The following OTUD3 variants were observed in gnomAD, a reference collection of about 807,000 sequenced individuals.
The protein encoded by OTUD3 is OTU deubiquitinase 3.
OTUD3 carries 24 observed loss-of-function variants against 46.2 expected under a neutral mutation model. The ratio of observed to expected loss-of-function variants is 0.52; its 90% CI spans 0.38 to 0.73. OTUD3 has a LOEUF of 0.73. Ranked by LOEUF, OTUD3 falls within the 30% of genes least tolerant of loss-of-function variation. OTUD3 has a pLI of 0.00. For synonymous variants in OTUD3, 189 were observed against 195.4 expected, an observed-to-expected ratio of 0.97 and a Z score of 0.27; for missense variants, 455 against 523.3, an observed-to-expected ratio of 0.87 and a Z score of 1.27.
At chr1:19,903,490 G>T (rs923895774) in intron 4 of OTUD3, among the ~76,000 whole-genome samples, 2 of 152,162 alleles carry the variant, frequency 1.3e-5, no homozygotes, top group African/African-American at 2.4e-5. Context: ...TTAACATTCT[G>T]AGGAATATAC....
intron 6 of OTUD3, 30 bp downstream of exon 6, chr1:19,905,017 T>G: frequency 8.9e-7 from 1 of 1,122,190 alleles, no homozygotes. Context: ...TTATAGATCT[T>G]CAAAATGGTT....
rs1255253981 is a variant in OTUD3, at chr1:19,882,462, T to TG, written c.-46dup. 3.0e-6 allele frequency: 4 copies of TG among 1,327,586 alleles called. No homozygotes were observed. Among genetic ancestry groups the TG allele is most frequent in the Non-Finnish European group, 3.8e-6 (4 of 1,044,270 alleles). The allele number at this position is 1,327,586 out of a possible 1,614,324, so 82.2% of individuals were successfully genotyped here. A position where few individuals can be genotyped will look rare whatever the true frequency, so the allele number is the denominator to read the frequency against. On this transcript the variant is annotated 5_prime_UTR_variant, in exon 1 of 8. Transcript: ENST00000375120. ...CCTTCCCAACGCTTGAGGCGGACGCTGGGGGGTCCTGCGCCTTTCCCTCCT... is the reference window on the plus strand; with the variant it reads ...CCTTCCCAACGCTTGAGGCGGACGCTGGGGGGGTCCTGCGCCTTTCCCTCCT...
In OTUD3 at chr1:19,909,432, CAG is replaced by C. The variant is rs2045706685; in HGVS notation, c.*1689_*1690del. On this transcript the variant is annotated 3_prime_UTR_variant, in exon 8 of 8. Transcript: ENST00000375120. ...CAGCATTTTTTTTCTGTGCACGTCG[CAG>C]AGTCCTGAGCTTGAGGCTGTGTTAC... 1 of 152,332 alleles carries C rather than the reference CAG, an allele frequency of 6.6e-6. No homozygotes were observed. Among genetic ancestry groups the C allele is most frequent in the African/African-American group, 2.4e-5 (1 of 41,444 alleles). 9.4% of individuals were successfully genotyped at this position (152,332 alleles called of 1,614,324 possible). A position where few individuals can be genotyped will look rare whatever the true frequency, so the allele number is the denominator to read the frequency against.
chr1:19,904,504 CAAAA>C, intron 5 of OTUD3, 106 bp downstream of exon 5: 3 of 942,942 alleles, frequency 3.2e-6, no homozygotes, highest in Non-Finnish European at 4.8e-6. Context: ...CCTTGTGGGC[CAAAA>C]TAGGCCCATG....
At chr1:19,899,104 C>T (rs548349527) in intron 4 of OTUD3, among the ~76,000 whole-genome samples, 2 of 152,136 alleles carry the variant, frequency 1.3e-5, no homozygotes, top group African/African-American at 4.8e-5. Flanking sequence ...AGCCATGGTG[C>T]CTGGCAATTT....
intron 6 of OTUD3, among the ~76,000 whole-genome samples, chr1:19,905,249 C>G (rs1013295764): frequency 6.6e-6 from 1 of 152,000 alleles, no homozygotes; most frequent in African/African-American, 2.4e-5. Flanking sequence ...GTACAGGGTG[C>G]TGGGGGACGC....
At chr1:19,883,512 T>C (rs2045306083) in intron 1 of OTUD3, among the ~76,000 whole-genome samples, 1 of 152,214 alleles carries the variant, frequency 6.6e-6, no homozygotes, top group Non-Finnish European at 1.5e-5. Flanking sequence ...GGTTGTCAGC[T>C]GTGTCACTTT....
intron 4 of OTUD3, among the ~76,000 whole-genome samples, chr1:19,901,518 G>T (rs563550185): frequency 6.6e-6 from 1 of 152,112 alleles, no homozygotes; most frequent in South Asian, 2.1e-4. Flanking sequence ...TAAAAGTTAA[G>T]GCAAAATTCA....
rs2045430606 is a variant in OTUD3 at position 19,890,416 on chromosome 1, T to C, written c.253T>C (p.Leu85=). 8 of 1,613,994 alleles carry C rather than the reference T, an allele frequency of 5.0e-6. No homozygotes were observed. The highest frequency in any genetic ancestry group is 6.8e-6 in the Non-Finnish European group (8 of 1,179,872). ...CTTGTTCAGAGCTCTTGGTGATCAATTGGAGGGACACTCACGAAATCATCT... is the reference window on the plus strand; with the variant it reads ...CTTGTTCAGAGCTCTTGGTGATCAACTGGAGGGACACTCACGAAATCATCT... ...NCLFRALGDQ[L]EGHSRNHLKH... The change falls in exon 2 of 8, where the codon TTG becomes CTG. Residue 85 remains leucine (L), a synonymous_variant. Transcript: ENST00000375120.
At chr1:19,890,603 C>G in intron 2 of OTUD3, 70 bp downstream of exon 2, 2 of 1,326,204 alleles carry the variant, frequency 1.5e-6, no homozygotes, top group Admixed American at 3.5e-5. Flanking sequence ...CTGGCATCCT[C>G]CCCCCTCCCA....
intron 6 of OTUD3, 25 bp downstream of exon 6, chr1:19,905,012 G>C (rs2045639339): frequency 1.7e-6 from 2 of 1,172,780 alleles, no homozygotes; most frequent in African/African-American, 1.5e-5. Flanking sequence ...AATATTTATA[G>C]ATCTTCAAAA....
chr1:19,911,152 C>T lies in OTUD3; in HGVS notation c.*3406C>T, dbSNP rs1050695662. 1.3e-5 allele frequency: 2 copies of T among 152,266 alleles called. No homozygotes were observed. The highest frequency in any genetic ancestry group is 2.9e-5 in the Non-Finnish European group (2 of 68,036). 9.4% of individuals were successfully genotyped at this position (152,266 alleles called of 1,614,324 possible). The stretch of plus-strand genomic sequence containing the variant: ...TGATTTTAATGTGTTGCGTCAGTGG[C>T]CCTCTTCGACTCCCGTTTTGGGTAG... On this transcript the variant is annotated 3_prime_UTR_variant, in exon 8 of 8. Coordinates refer to ENST00000375120, the MANE Select transcript of OTUD3 (RefSeq NM_015207.2).
chr1:19,883,435 G>A (rs1273085265), intron 1 of OTUD3, among the ~76,000 whole-genome samples: 1 of 152,160 alleles, frequency 6.6e-6, no homozygotes, highest in Non-Finnish European at 1.5e-5. Flanking sequence ...GATGGAAGAA[G>A]GAAAAGGGTC....
intron 6 of OTUD3, 92 bp from the exon 7 acceptor site, chr1:19,906,340 A>G (rs2045660426): frequency 1.8e-6 from 2 of 1,102,370 alleles, no homozygotes; most frequent in African/African-American, 3.1e-5. Context: ...TGACTGAAGT[A>G]GGGACCCAGG....
intron 4 of OTUD3, 116 bp downstream of exon 4, chr1:19,897,778 CTG>C: frequency 2.0e-6 from 2 of 992,398 alleles, no homozygotes; most frequent in Non-Finnish European, 2.9e-6. Flanking sequence ...CATTGAGAAT[CTG>C]TGGGCCTGAT....
rs1056909554 is a variant in OTUD3 at position 19,908,943 on chromosome 1, G to A, written c.*1197G>A. 1 of 152,350 alleles carries A rather than the reference G, an allele frequency of 6.6e-6. No homozygotes were observed. Among genetic ancestry groups the A allele is most frequent in the Non-Finnish European group, 1.5e-5 (1 of 68,042 alleles). 9.4% of individuals were successfully genotyped at this position (152,350 alleles called of 1,614,324 possible). On this transcript the variant is annotated 3_prime_UTR_variant, in exon 8 of 8. Transcript: ENST00000375120. The stretch of plus-strand genomic sequence containing the variant: ...AGAACATACTTTGGTTGAGGCCTTC[G>A]AATCACTCTTCAGTTCTGAAATAGA...
At chr1:19,895,136 C>T (rs957211853) in intron 3 of OTUD3, among the ~76,000 whole-genome samples, 2 of 152,144 alleles carry the variant, frequency 1.3e-5, no homozygotes, top group Non-Finnish European at 2.9e-5. Context: ...AAAACACATA[C>T]ACACATGTAT....
In OTUD3 at chr1:19,911,749, C is replaced by T. The variant is rs572802057; in HGVS notation, c.*4003C>T. ...AAGATCTAGATGGCATAAATTACGACGTCTGCCATCGCATATTAGAAAGGG... is the reference window on the plus strand; with the variant it reads ...AAGATCTAGATGGCATAAATTACGATGTCTGCCATCGCATATTAGAAAGGG... On this transcript the variant is annotated 3_prime_UTR_variant, in exon 8 of 8. Transcript: ENST00000375120. 1.3e-5 allele frequency: 2 copies of T among 152,218 alleles called. No homozygotes were observed. The highest frequency in any genetic ancestry group is 2.4e-5 in the African/African-American group (1 of 41,468). 9.4% of individuals were successfully genotyped at this position (152,218 alleles called of 1,614,324 possible). A position where few individuals can be genotyped will look rare whatever the true frequency, so the allele number is the denominator to read the frequency against.
At chr1:19,883,112 G>T (rs1354211961) in intron 1 of OTUD3, among the ~76,000 whole-genome samples, 1 of 152,226 alleles carries the variant, frequency 6.6e-6, no homozygotes, top group Non-Finnish European at 1.5e-5. Flanking sequence ...TTATCATGAC[G>T]ATAAGACCAG....
Sources: gnomAD v4.1 joint callset for allele counts (sites outside exome capture counted in the v4.1 genomes callset) on GRCh38, gnomAD v4.1.1 for gene constraint, MANE v1.5 for transcripts, NCBI Gene and HGNC (gene_info 2026-07-23, HGNC 2026-07-21) for gene names.